The following LRRTM4 variants were observed in gnomAD, a reference collection of about 807,000 sequenced individuals.
The protein encoded by LRRTM4 is leucine-rich repeat transmembrane neuronal protein 4.
A neutral mutation model predicts 47.6 loss-of-function variants in LRRTM4; 25 were observed. That is an observed-to-expected ratio of 0.53 (90% CI 0.38 to 0.73). LRRTM4 has a LOEUF of 0.73. LRRTM4 is among the 30% of genes least tolerant of loss of function. The probability of loss-of-function intolerance (pLI) is 0.00; values close to 1 mark genes in which losing one functional copy is unlikely to be tolerated. For missense variants in LRRTM4, 638 were observed against 713.4 expected (o/e 0.89, Z 1.20); for synonymous variants, 311 against 269.5 (o/e 1.15, Z -1.51).
At chr2:77,014,293 T>C (rs1298401191) in intron 3 of LRRTM4, among the ~76,000 whole-genome samples, 1 of 152,054 alleles carries the variant, frequency 6.6e-6, no homozygotes, top group Non-Finnish European at 1.5e-5. Context: ...TATTAGAATA[T>C]AGGACTGAGT....
intron 3 of LRRTM4, among the ~76,000 whole-genome samples, chr2:77,086,537 G>A (rs1392994866): frequency 6.6e-6 from 1 of 150,602 alleles, no homozygotes; most frequent in Non-Finnish European, 1.5e-5. Context: ...GAGGGCAATG[G>A]CACAGTCTCG....
chr2:77,089,166 AACCCCTTCTCTCCTTGTCTCT>A (rs1334856789), intron 3 of LRRTM4, among the ~76,000 whole-genome samples: 1 of 151,942 alleles, frequency 6.6e-6, no homozygotes, highest in Admixed American at 6.6e-5. Context: ...CAAATACCCC[AACCCCTTCTCTCCTTGTCTCT>A]ACCCCTTCTC....
At chr2:77,059,634 C>G (rs543387091) in intron 3 of LRRTM4, among the ~76,000 whole-genome samples, 1 of 152,244 alleles carries the variant, frequency 6.6e-6, no homozygotes, top group South Asian at 2.1e-4. Flanking sequence ...CTGAACAACA[C>G]TATTCTGTTA....
Position 76,772,809 on chromosome 2 carries a change from G to C in LRRTM4, c.1552-23893C>G, listed in dbSNP as rs1013248160. 6 of 151,878 alleles carry C rather than the reference G, an allele frequency of 4.0e-5. No homozygotes were observed. In the East Asian group the frequency reaches 1.2e-3, roughly 29 times the overall value. The allele number at this position is 151,878 out of a possible 1,614,324, so 9.4% of individuals were successfully genotyped here. ...TTGTTATAGTTGTTTTATTTTATTA[G>C]TAATTATTGTTGTTAATCTCTTATT... On this transcript the variant is annotated intron_variant, in intron 3 of 3. Transcript: ENST00000409884.
intron 3 of LRRTM4, among the ~76,000 whole-genome samples, chr2:77,182,816 A>T (rs1673387506): frequency 1.3e-5 from 2 of 151,886 alleles, no homozygotes; most frequent in African/African-American, 4.8e-5. Flanking sequence ...CAAACCAGAC[A>T]AAAACAAGAA....
At chr2:77,239,391 T>G (rs2901836) in intron 3 of LRRTM4, among the ~76,000 whole-genome samples, 85,489 of 151,542 alleles carry the variant, frequency 0.56, 24,435 homozygotes, top group African/African-American at 0.6. Flanking sequence ...ATTAACAGTT[T>G]GAACAAATAG....
chr2:77,272,348 C>G (rs1411667191), intron 3 of LRRTM4, among the ~76,000 whole-genome samples: 1 of 151,988 alleles, frequency 6.6e-6, no homozygotes, highest in Non-Finnish European at 1.5e-5. Context: ...AAATTAATTT[C>G]AAGCAATATA....
intron 3 of LRRTM4, among the ~76,000 whole-genome samples, chr2:76,940,956 C>T (rs144799348): frequency 6.6e-6 from 1 of 152,196 alleles, no homozygotes; most frequent in African/African-American, 2.4e-5. Flanking sequence ...GACTTCTTAC[C>T]ACTTTTGTTA....
intron 3 of LRRTM4, among the ~76,000 whole-genome samples, chr2:77,025,315 C>T (rs1019423358): frequency 1.3e-5 from 2 of 152,106 alleles, no homozygotes; most frequent in Non-Finnish European, 2.9e-5. Flanking sequence ...TGCTGTTTAT[C>T]ACAATATCTG....
intron 3 of LRRTM4, among the ~76,000 whole-genome samples, chr2:77,231,672 C>T (rs1050065903): frequency 6.6e-6 from 1 of 151,736 alleles, no homozygotes; most frequent in African/African-American, 2.4e-5. Flanking sequence ...TATTGAGAAC[C>T]CACTGTGTTG....
At chr2:77,276,505 AAT>A (rs1157652539) in intron 3 of LRRTM4, among the ~76,000 whole-genome samples, 2 of 148,332 alleles carry the variant, frequency 1.3e-5, no homozygotes, top group South Asian at 2.1e-4. Context: ...TGATATATAT[AAT>A]ATATATATGT....
At chr2:77,427,120 A>T (rs1163767016) in intron 3 of LRRTM4, among the ~76,000 whole-genome samples, 1 of 151,880 alleles carries the variant, frequency 6.6e-6, no homozygotes, top group African/African-American at 2.4e-5. Context: ...CTGGGACTAC[A>T]GGTGCGCACC....
At chr2:77,014,700 T>A (rs2104079972) in intron 3 of LRRTM4, among the ~76,000 whole-genome samples, 1 of 151,912 alleles carries the variant, frequency 6.6e-6, no homozygotes, top group East Asian at 1.9e-4. Flanking sequence ...TAATCCCAGC[T>A]ACCTGGGAGG....
At chr2:77,243,746 T>A (rs1232913381) in intron 3 of LRRTM4, among the ~76,000 whole-genome samples, 1 of 145,776 alleles carries the variant, frequency 6.9e-6, no homozygotes, top group Non-Finnish European at 1.5e-5. Flanking sequence ...GGATAATTGA[T>A]ACCATATCCC....
chr2:77,176,310 G>A (rs1558619636), intron 3 of LRRTM4, among the ~76,000 whole-genome samples: 3 of 152,096 alleles, frequency 2.0e-5, no homozygotes, highest in Non-Finnish European at 4.4e-5. Context: ...TCTGACCTCC[G>A]TTAAGGATTT....
intron 3 of LRRTM4, among the ~76,000 whole-genome samples, chr2:76,947,644 C>T (rs775953082): frequency 3.3e-5 from 5 of 151,644 alleles, no homozygotes; most frequent in Non-Finnish European, 7.4e-5. Flanking sequence ...CATTTGTATA[C>T]ACCCATGCAT....
chr2:77,483,580 A>G (rs1339691332), intron 3 of LRRTM4, among the ~76,000 whole-genome samples: 1 of 152,168 alleles, frequency 6.6e-6, no homozygotes, highest in Non-Finnish European at 1.5e-5. Flanking sequence ...ACCTCAGGTG[A>G]TCTACCCGTC....
chr2:77,088,556 C>T (rs1451619300), intron 3 of LRRTM4, among the ~76,000 whole-genome samples: 2 of 151,412 alleles, frequency 1.3e-5, no homozygotes, highest in African/African-American at 4.9e-5. Flanking sequence ...ACGGCCCCAC[C>T]CCTATCTCCA....
intron 3 of LRRTM4, among the ~76,000 whole-genome samples, chr2:76,965,569 T>C (rs1397415100): frequency 6.6e-6 from 1 of 151,282 alleles, no homozygotes; most frequent in Non-Finnish European, 1.5e-5. Context: ...AAATACATAC[T>C]TGCATATTTA....
Sources: allele counts gnomAD v4.1 joint callset (sites outside exome capture counted in the v4.1 genomes callset), GRCh38; gene constraint gnomAD v4.1.1; transcripts MANE v1.5; gene names NCBI Gene and HGNC (gene_info 2026-07-23, HGNC 2026-07-21).